Variants in IPO9 observed in about 807,000 individuals in gnomAD.
IPO9 encodes the protein importin 9, also known as importin-9.
Under a neutral mutation model 128.6 loss-of-function variants are expected in IPO9, and 28 were observed. The observed-to-expected ratio is 0.22, with a 90% CI of 0.16 to 0.30. The LOEUF (loss-of-function observed/expected upper bound fraction) is 0.30, where lower values mean the gene tolerates loss of function less well. Ranked by LOEUF, IPO9 falls within the 10% of genes least tolerant of loss-of-function variation. The pLI is 1.00. For missense variants in IPO9, 935 were observed against 1,293.9 expected, an observed-to-expected ratio of 0.72 and a Z score of 4.26; for synonymous variants, 455 against 475.8, an observed-to-expected ratio of 0.96 and a Z score of 0.57.
At chr1:201,863,209 G>A (rs1050450611) in intron 13 of IPO9, among the ~76,000 whole-genome samples, 4 of 152,108 alleles carry the variant, frequency 2.6e-5, no homozygotes, top group South Asian at 2.1e-4. Flanking sequence ...AAAATTAGCC[G>A]GGCATGGTGG....
intron 20 of IPO9, 42 bp from the exon 21 acceptor site, chr1:201,874,208 C>G: frequency 6.2e-7 from 1 of 1,608,028 alleles, no homozygotes; most frequent in Non-Finnish European, 8.5e-7. Context: ...CAGAAGTAAG[C>G]TCAGTGACAC....
At chr1:201,852,068 A>AT (rs762554417) in intron 4 of IPO9, 36 bp from the exon 5 acceptor site, 4,121 of 1,153,732 alleles carry the variant, frequency 3.6e-3, no homozygotes, top group Non-Finnish European at 4.2e-3. Flanking sequence ...ATGAAGCAGT[A>AT]TTTTTTTTTT....
chr1:201,860,952 G>A (rs1680433553), intron 13 of IPO9, among the ~76,000 whole-genome samples: 1 of 152,152 alleles, frequency 6.6e-6, no homozygotes, highest in Admixed American at 6.5e-5. Flanking sequence ...CGGATCATGA[G>A]GTCAGGAGTT....
intron 15 of IPO9, among the ~76,000 whole-genome samples, chr1:201,868,447 A>G (rs765394353): frequency 3.3e-5 from 5 of 152,192 alleles, no homozygotes; most frequent in Non-Finnish European, 7.3e-5. Context: ...ATGAAGCCAT[A>G]CAAAGTGTAC....
chr1:201,862,286 C>T (rs753767107), intron 13 of IPO9, among the ~76,000 whole-genome samples: 1 of 151,920 alleles, frequency 6.6e-6, no homozygotes, highest in Non-Finnish European at 1.5e-5. Context: ...GGTGAAACCC[C>T]CTCTCTACTA....
In IPO9 at chr1:201,872,891, T is replaced by C. The variant is rs983988394; in HGVS notation, c.2640T>C (p.Asp880=). 6.8e-6 allele frequency: 11 copies of C among 1,613,920 alleles called. No individual in the cohort carries two copies. Among genetic ancestry groups the C allele is most frequent in the Middle Eastern group, 3.3e-4 (2 of 6,074 alleles). ...GINADDKRLQ[D]IRVKGEEIYS... ...ATGCAGATGACAAACGGCTACAGGA[T>C]ATCCGTGTGAAGGGAGAGGAGATCT... Residue 880 remains aspartate (D), a synonymous_variant, in exon 20 of 24, where the codon GAT becomes GAC. Coordinates refer to ENST00000361565, the MANE Select transcript of IPO9 (RefSeq NM_018085.5).
chr1:201,848,085 A>G (rs1680152314), intron 3 of IPO9, among the ~76,000 whole-genome samples: 2 of 152,238 alleles, frequency 1.3e-5, no homozygotes, highest in Admixed American at 6.5e-5. Flanking sequence ...GCTGCCTAAA[A>G]CAATAGCTAC....
intron 1 of IPO9, among the ~76,000 whole-genome samples, chr1:201,839,903 C>T (rs1347269572): frequency 1.3e-5 from 2 of 151,958 alleles, no homozygotes; most frequent in Non-Finnish European, 2.9e-5. Flanking sequence ...TTTTTTTCCC[C>T]ACAATGTATA....
chr1:201,848,454 G>A lies in IPO9; in HGVS notation c.374G>A (p.Arg125His). ...NGLRESISKV[R>H]SSVAYAVSAI... ...TTGAGAGAATCGATAAGCAAAGTGC[G>A]CTCCAGTGTGGCCTATGCAGTGTCA... is the stretch of plus-strand genomic sequence containing the variant. Residue 125 changes from arginine to histidine, a missense_variant, in exon 4 of 24, where the codon CGC (arginine) becomes CAC (histidine). Physicochemically the swap from Arg to His is conservative, Grantham distance 29 (BLOSUM62 0). Transcript: ENST00000361565. 6.2e-7 allele frequency: 1 copy of A among 1,614,178 alleles called. No individual in the cohort carries two copies. Among genetic ancestry groups the A allele is most frequent in the East Asian group, 2.2e-5 (1 of 44,886 alleles).
chr1:201,850,799 G>A (rs1461406886), intron 4 of IPO9: 1 of 152,018 alleles, frequency 6.6e-6, no homozygotes, highest in Admixed American at 6.6e-5. Context: ...AAATAAAATA[G>A]AACACTCACC....
chr1:201,875,054 T>C (rs766172120), intron 22 of IPO9, 98 bp from the exon 23 acceptor site: 2 of 1,379,000 alleles, frequency 1.5e-6, no homozygotes, highest in Admixed American at 3.4e-5. Context: ...TCTTGGGCTT[T>C]TGCACCTTCC....
chr1:201,834,208 T>TC (rs1679886136), intron 1 of IPO9, among the ~76,000 whole-genome samples: 1 of 73,536 alleles, frequency 1.4e-5, no homozygotes, highest in Non-Finnish European at 3.5e-5. Context: ...TTTTCTTTTC[T>TC]TTTTTTTTTT....
chr1:201,853,126 C>G (rs778666009), intron 6 of IPO9, 29 bp downstream of exon 6: 9 of 1,580,240 alleles, frequency 5.7e-6, no homozygotes, highest in Middle Eastern at 1.7e-4. Flanking sequence ...CAATAACAGA[C>G]TTCATGCTTA....
chr1:201,868,557 T>G (rs1680595915), intron 15 of IPO9, 91 bp from the exon 16 acceptor site: 1 of 1,407,946 alleles, frequency 7.1e-7, no homozygotes, highest in African/African-American at 1.4e-5. Flanking sequence ...AGTTGTTAAC[T>G]TAGGTTAGGG....
chr1:201,843,216 G>A (rs2102871954), intron 1 of IPO9, among the ~76,000 whole-genome samples: 1 of 152,282 alleles, frequency 6.6e-6, no homozygotes, highest in Non-Finnish European at 1.5e-5. Context: ...TTAACTGTTA[G>A]CCCCAATTTT....
chr1:201,842,739 C>G (rs1386305747), intron 1 of IPO9, among the ~76,000 whole-genome samples: 1 of 152,196 alleles, frequency 6.6e-6, no homozygotes, highest in Non-Finnish European at 1.5e-5. Context: ...GAATCCCATT[C>G]AATAATTAAT....
chr1:201,845,258 C>A (rs1317985005), intron 1 of IPO9, among the ~76,000 whole-genome samples: 1 of 152,152 alleles, frequency 6.6e-6, no homozygotes, highest in African/African-American at 2.4e-5. Flanking sequence ...TCAGGTGATC[C>A]GCCCACTCCC....
At chr1:201,873,851 T>A (rs1680706658) in intron 20 of IPO9, among the ~76,000 whole-genome samples, 1 of 152,204 alleles carries the variant, frequency 6.6e-6, no homozygotes, top group Non-Finnish European at 1.5e-5. Context: ...TGTTACTGAG[T>A]TGCCTTTGGC....
intron 1 of IPO9, among the ~76,000 whole-genome samples, chr1:201,834,689 A>G (rs1342644038): frequency 1.3e-5 from 2 of 152,112 alleles, no homozygotes; most frequent in East Asian, 1.9e-4. Context: ...TTTTTTGCCT[A>G]TTACAAATGA....
Sources: allele counts gnomAD v4.1 joint callset (sites outside exome capture counted in the v4.1 genomes callset), GRCh38; gene constraint gnomAD v4.1.1; transcripts MANE v1.5; gene names NCBI Gene and HGNC (gene_info 2026-07-23, HGNC 2026-07-21).